The following PCDHB15 variants were observed in gnomAD, a reference collection of about 807,000 sequenced individuals.
PCDHB15 encodes protocadherin beta 15.
For missense variants in PCDHB15, 1,032 were observed against 991.7 expected, an observed-to-expected ratio of 1.04 and a Z score of -0.55; for synonymous variants, 492 against 447.9, an observed-to-expected ratio of 1.10 and a Z score of -1.24.
rs1423701386 is a variant in PCDHB15 at position 141,245,869 on chromosome 5, C to T, written c.291C>T (p.Gly97=). 1 of 1,614,116 alleles carries T rather than the reference C, an allele frequency of 6.2e-7. No individual in the cohort carries two copies. The highest frequency in any genetic ancestry group is 1.1e-5 in the South Asian group (1 of 91,076). The part of the protein sequence containing the change: ...NEKLDREKLC[G]PTEPCIMHFQ... The stretch of plus-strand genomic sequence containing the variant: ...AGCTGGACCGGGAGAAGCTGTGTGG[C>T]CCTACTGAGCCCTGTATAATGCATT... The change falls in exon 1 of 1, where the codon GGC becomes GGT. Residue 97 remains glycine, a synonymous_variant. Transcript: ENST00000231173.
At position 141,248,543 on chromosome 5, in the gene PCDHB15, T is replaced by A. The variant is rs1254224297; in HGVS notation, c.*601T>A. On this transcript the variant is annotated 3_prime_UTR_variant, in exon 1 of 1. Coordinates refer to ENST00000231173, the MANE Select transcript of PCDHB15 (RefSeq NM_018935.4). ...ATATATCTGCGTAATGTATTCTGTC[T>A]CATGTAAATTAACATAGAAAAGACT... 4 of 152,256 alleles carry A rather than the reference T, an allele frequency of 2.6e-5. No individual in the cohort carries two copies. Among genetic ancestry groups the A allele is most frequent in the Non-Finnish European group, 5.9e-5 (4 of 68,062 alleles). 9.4% of individuals were successfully genotyped at this position (152,256 alleles called of 1,614,324 possible). A position where few individuals can be genotyped will look rare whatever the true frequency, so the allele number is the denominator to read the frequency against.
rs558536705 is a variant in PCDHB15 at position 141,249,179 on chromosome 5, G to A, written c.*1237G>A. On this transcript the variant is annotated 3_prime_UTR_variant, in exon 1 of 1. Transcript: ENST00000231173. ...TGGGTCTATTTCAATCAGTGGAAAGGCCATAAAAGCAGAGTTGAGTCTTCC... is the reference window on the plus strand; with the variant it reads ...TGGGTCTATTTCAATCAGTGGAAAGACCATAAAAGCAGAGTTGAGTCTTCC... 6.6e-6 allele frequency: 1 copy of A among 152,252 alleles called. No individual in the cohort carries two copies. The highest frequency in any genetic ancestry group is 1.5e-5 in the Non-Finnish European group (1 of 68,022). 9.4% of individuals were successfully genotyped at this position (152,252 alleles called of 1,614,324 possible). A position where few individuals can be genotyped will look rare whatever the true frequency, so the allele number is the denominator to read the frequency against.
Position 141,246,288 on chromosome 5 carries a change from A to T in PCDHB15, c.710A>T (p.Asp237Val). 6.2e-7 allele frequency: 1 copy of T among 1,614,114 alleles called. No individual in the cohort carries two copies. The highest frequency in any genetic ancestry group is 8.5e-7 in the Non-Finnish European group (1 of 1,179,992). ...QILILVLDANDNAPEFVQALY... is the reference protein window; with the variant it reads ...QILILVLDANVNAPEFVQALY... ...CTCATCTTGGTCTTGGACGCCAATG[A>T]CAATGCCCCGGAGTTTGTGCAGGCG... Residue 237 changes from aspartate to valine, a missense_variant, in exon 1 of 1, where the codon GAC becomes GTC. Coordinates refer to ENST00000231173, the MANE Select transcript of PCDHB15 (RefSeq NM_018935.4).
rs1217877580 is a variant in PCDHB15, at chr5:141,247,435, G to A, written c.1857G>A (p.Ala619=). The change falls in exon 1 of 1, where the codon GCG becomes GCA. Residue 619 remains alanine, a synonymous_variant. Coordinates refer to ENST00000231173, the MANE Select transcript of PCDHB15 (RefSeq NM_018935.4). The stretch of plus-strand genomic sequence containing the variant: ...AGCCCGGGCTGTTCGGCGTGTGGGC[G>A]CACAATGGCGAGGTGCGCACCGCCA... The part of the protein sequence containing the change: ...ATEPGLFGVW[A]HNGEVRTARL... 1.2e-6 allele frequency: 2 copies of A among 1,606,532 alleles called. No homozygotes were observed. The highest frequency in any genetic ancestry group is 1.1e-5 in the South Asian group (1 of 90,952).
rs782669796 is a variant in PCDHB15 at position 141,245,998 on chromosome 5, G to GA, written c.424dup (p.Ile142AsnfsTer5). ...AGTTTCCTGAAAGAGAAATGACCCTGAAAATCCCAGAAACTAGCTCCCTTG... is the reference window on the plus strand; with the variant it reads ...AGTTTCCTGAAAGAGAAATGACCCTGAAAAATCCCAGAAACTAGCTCCCTTG... On this transcript the variant is annotated frameshift_variant, in exon 1 of 1. Coordinates refer to ENST00000231173, the MANE Select transcript of PCDHB15 (RefSeq NM_018935.4). LOFTEE classifies it low-confidence loss of function (END_TRUNC). The GA allele has an allele frequency of 1.9e-5, 30 of 1,614,130 alleles. No homozygotes were observed. The highest frequency in any genetic ancestry group is 3.3e-4 in the Middle Eastern group (2 of 6,062).
In PCDHB15 at chr5:141,245,657, G is replaced by A. The variant is rs782583371; in HGVS notation, c.79G>A (p.Gly27Ser). 1.4e-5 allele frequency: 23 copies of A among 1,614,096 alleles called. No individual in the cohort carries two copies. The East Asian group carries it at 5.1e-4, about 36-fold the overall frequency. The change falls in exon 1 of 1, where the codon GGC becomes AGC. Residue 27 changes from glycine (G) to serine (S), a missense_variant. Coordinates refer to ENST00000231173, the MANE Select transcript of PCDHB15 (RefSeq NM_018935.4). ...LLLLLEVTLA[G>S]WEPRRYSVME... ...TCTTTTACTGGAAGTGACTCTGGCA[G>A]GCTGGGAACCCCGTCGCTATTCTGT...
Position 141,247,245 on chromosome 5 carries a change from A to G in PCDHB15, c.1667A>G (p.Asp556Gly), listed in dbSNP as rs781800234. The G allele has an allele frequency of 1.9e-6, 3 of 1,611,628 alleles. No individual in the cohort carries two copies. In the South Asian group the frequency reaches 3.3e-5, roughly 18 times the overall value. Residue 556 changes from aspartate (D) to glycine (G), a missense_variant, in exon 1 of 1, where the codon GAC (aspartate) becomes GGC (glycine). Asp to Gly is a moderately conservative substitution (Grantham distance 94). Coordinates refer to ENST00000231173, the MANE Select transcript of PCDHB15 (RefSeq NM_018935.4). Reference protein sequence around the residue: ...LVRVLVLDANDNSPFVLYPLQ... With the variant: ...LVRVLVLDANGNSPFVLYPLQ... ...CGAGTGCTGGTGCTGGACGCCAACG[A>G]CAACTCGCCCTTCGTGCTGTACCCG...
At position 141,247,655 on chromosome 5, in the gene PCDHB15, G is replaced by A. The variant is rs148707481; in HGVS notation, c.2077G>A (p.Ala693Thr). Residue 693 changes from alanine (A) to threonine (T), a missense_variant, in exon 1 of 1, where the codon GCA becomes ACA. Coordinates refer to ENST00000231173, the MANE Select transcript of PCDHB15 (RefSeq NM_018935.4). ...CTCGCTTACCGTCTACCTGGTGGTG[G>A]CATTGGCCTCGGTGTCTTCGCTCTT... ...ADSLTVYLVVALASVSSLFLF... is the reference protein window; with the variant it reads ...ADSLTVYLVVTLASVSSLFLF... 2.9e-4 allele frequency: 460 copies of A among 1,610,228 alleles called. 2 individuals are homozygous for A. The African/African-American group carries it at 5.4e-3, about 19-fold the overall frequency.
In PCDHB15 at chr5:141,246,055, C is replaced by A. The variant is rs1193979952; in HGVS notation, c.477C>A (p.Asp159Glu). 5 of 1,614,008 alleles carry A rather than the reference C, an allele frequency of 3.1e-6. No homozygotes were observed. Among genetic ancestry groups the A allele is most frequent in the Non-Finnish European group, 4.2e-6 (5 of 1,180,044 alleles). ...TGTTTCCTCTGAAAAAAGCTCGGGA[C>A]TTGGACGTGGGCAGCAATAATGTTC... ...GTVFPLKKAR[D>E]LDVGSNNVQN... The change falls in exon 1 of 1, where the codon GAC becomes GAA. Residue 159 changes from aspartate to glutamate, a missense_variant. Asp to Glu is a conservative substitution (Grantham distance 45). Transcript: ENST00000231173.
In PCDHB15 at chr5:141,247,631, T is replaced by C. The variant is rs145604169; in HGVS notation, c.2053T>C (p.Ser685Pro). 2.3e-5 allele frequency: 37 copies of C among 1,610,030 alleles called. No homozygotes were observed. The highest frequency in any genetic ancestry group is 4.0e-5 in the African/African-American group (3 of 74,818). ...GGCCCCGGCCCAAGCCCAGGCCGACTCGCTTACCGTCTACCTGGTGGTGGC... is the reference window on the plus strand; with the variant it reads ...GGCCCCGGCCCAAGCCCAGGCCGACCCGCTTACCGTCTACCTGGTGGTGGC... ...EAAPAQAQADSLTVYLVVALA... is the reference protein window; with the variant it reads ...EAAPAQAQADPLTVYLVVALA... The change falls in exon 1 of 1, where the codon TCG becomes CCG. Residue 685 changes from serine to proline, a missense_variant. Physicochemically the swap from Ser to Pro is moderately conservative, Grantham distance 74. Coordinates refer to ENST00000231173, the MANE Select transcript of PCDHB15 (RefSeq NM_018935.4).
Position 141,247,798 on chromosome 5 carries a change from C to T in PCDHB15, c.2220C>T (p.Ser740=), listed in dbSNP as rs1755319172. ...TTCCAGGGCATCTGGTGGACGTGAG[C>T]GGCACCGGGACCCTTTCCCAGAGCT... The part of the protein sequence containing the change: ...GPFPGHLVDV[S]GTGTLSQSYQ... The change falls in exon 1 of 1, where the codon AGC becomes AGT. Residue 740 remains serine (S), a synonymous_variant. Transcript: ENST00000231173. 1 of 1,614,192 alleles carries T rather than the reference C, an allele frequency of 6.2e-7. No homozygotes were observed. The highest frequency in any genetic ancestry group is 8.5e-7 in the Non-Finnish European group (1 of 1,180,032).
Position 141,247,032 on chromosome 5 carries a change from A to G in PCDHB15, c.1454A>G (p.Gln485Arg), listed in dbSNP as rs1554292089. 6.2e-7 allele frequency: 1 copy of G among 1,613,648 alleles called. No individual in the cohort carries two copies. Among genetic ancestry groups the G allele is most frequent in the Admixed American group, 1.7e-5 (1 of 60,022 alleles). The change falls in exon 1 of 1, where the codon CAG (glutamine) becomes CGG (arginine). Residue 485 changes from glutamine (Q) to arginine (R), a missense_variant. Physicochemically the swap from Gln to Arg is conservative, Grantham distance 43 (BLOSUM62 1). Coordinates refer to ENST00000231173, the MANE Select transcript of PCDHB15 (RefSeq NM_018935.4). ...GACAGAGACTCGGGCACCAACGCCC[A>G]GGTCACCTACTCGCTGCTGCCGCCC... ...ATDRDSGTNAQVTYSLLPPRD... is the reference protein window; with the variant it reads ...ATDRDSGTNARVTYSLLPPRD...
In PCDHB15 at chr5:141,247,890, T is replaced by C; in HGVS notation, c.2312T>C (p.Phe771Ser). The C allele has an allele frequency of 1.2e-6, 2 of 1,614,112 alleles. No homozygotes were observed. Among genetic ancestry groups the C allele is most frequent in the Non-Finnish European group, 1.7e-6 (2 of 1,179,944 alleles). The stretch of plus-strand genomic sequence containing the variant: ...GATTTCAAGTTCTTGAAGCCTATAT[T>C]CCCAAATATTGTAAGCCAGGACTCT... ...SNDFKFLKPIFPNIVSQDSRR... is the reference protein window; with the variant it reads ...SNDFKFLKPISPNIVSQDSRR... The change falls in exon 1 of 1, where the codon TTC becomes TCC. Residue 771 changes from phenylalanine to serine, a missense_variant. Transcript: ENST00000231173.
At position 141,246,489 on chromosome 5, in the gene PCDHB15, T is replaced by C. The variant is rs1554291934; in HGVS notation, c.911T>C (p.Ile304Thr). The C allele has an allele frequency of 6.2e-7, 1 of 1,614,176 alleles. No individual in the cohort carries two copies. Among genetic ancestry groups the C allele is most frequent in the Non-Finnish European group, 8.5e-7 (1 of 1,180,030 alleles). Residue 304 changes from isoleucine (I) to threonine (T), a missense_variant, in exon 1 of 1, where the codon ATT becomes ACT. Transcript: ENST00000231173. ...AGCCTTTCAGGAGAAATTCGACTAA[T>C]TAAAAAACTAGATTTTGAGACAATG... ...LSSLSGEIRLIKKLDFETMSS... is the reference protein window; with the variant it reads ...LSSLSGEIRLTKKLDFETMSS...
Position 141,247,479 on chromosome 5 carries a change from A to T in PCDHB15, c.1901A>T (p.Asp634Val), listed in dbSNP as rs782180478. Residue 634 changes from aspartate to valine, a missense_variant, in exon 1 of 1, where the codon GAC (aspartate) becomes GTC (valine). By Grantham distance (152) the Asp-to-Val change is radical. Coordinates refer to ENST00000231173, the MANE Select transcript of PCDHB15 (RefSeq NM_018935.4). ...VRTARLLSER[D>V]VAKHRLVVLV... The stretch of plus-strand genomic sequence containing the variant: ...ACCGCCAGGCTGCTGAGCGAGCGCG[A>T]CGTGGCCAAGCACAGGCTAGTGGTG... 2 of 1,608,668 alleles carry T rather than the reference A, an allele frequency of 1.2e-6. No individual in the cohort carries two copies. Among genetic ancestry groups the T allele is most frequent in the South Asian group, 2.2e-5 (2 of 90,982 alleles).
chr5:141,248,963 T>C lies in PCDHB15; in HGVS notation c.*1021T>C, dbSNP rs1431988064. ...GCTCTCTTGTCAGGACTTTTCTGTC[T>C]CCAGGAGCTTCTCAACTTTGCAGAT... On this transcript the variant is annotated 3_prime_UTR_variant, in exon 1 of 1. Coordinates refer to ENST00000231173, the MANE Select transcript of PCDHB15 (RefSeq NM_018935.4). 1 of 152,220 alleles carries C rather than the reference T, an allele frequency of 6.6e-6. No individual in the cohort carries two copies. The highest frequency in any genetic ancestry group is 1.5e-5 in the Non-Finnish European group (1 of 68,040). 9.4% of individuals were successfully genotyped at this position (152,220 alleles called of 1,614,324 possible).
chr5:141,246,822 C>A lies in PCDHB15; in HGVS notation c.1244C>A (p.Ala415Asp). The A allele has an allele frequency of 1.2e-6, 2 of 1,614,172 alleles. No homozygotes were observed. Among genetic ancestry groups the A allele is most frequent in the Non-Finnish European group, 1.7e-6 (2 of 1,180,028 alleles). Residue 415 changes from alanine (A) to aspartate (D), a missense_variant, in exon 1 of 1, where the codon GCC becomes GAC. By Grantham distance (126) the Ala-to-Asp change is moderately radical. Transcript: ENST00000231173. ...GGGGCGCTGGACAGAGAGACCAGAG[C>A]CGAGTACAACATCACCATCACCATC... ...TEGALDRETR[A>D]EYNITITITD...
Position 141,247,557 on chromosome 5 carries a change from T to A in PCDHB15, c.1979T>A (p.Val660Glu). The change falls in exon 1 of 1, where the codon GTG becomes GAG. Residue 660 changes from valine (V) to glutamate (E), a missense_variant. Physicochemically the swap from Val to Glu is moderately radical, Grantham distance 121 (BLOSUM62 -2). Coordinates refer to ENST00000231173, the MANE Select transcript of PCDHB15 (RefSeq NM_018935.4). ...PPRSATATLQ[V>E]LLVDGFSQPY... is the part of the protein sequence containing the mutation. ...CGCTCGGCCACCGCCACGCTGCAAG[T>A]GCTCCTGGTGGACGGCTTCTCTCAG... is the stretch of plus-strand genomic sequence containing the variant. The A allele has an allele frequency of 6.2e-7, 1 of 1,609,300 alleles. No homozygotes were observed. Among genetic ancestry groups the A allele is most frequent in the Non-Finnish European group, 8.5e-7 (1 of 1,179,762 alleles).
rs1554292063 is a variant in PCDHB15 at position 141,246,947 on chromosome 5, A to G, written c.1369A>G (p.Thr457Ala). ...NAPAFTQTSY[T>A]LFVRENNSPA... ...CCCCGCCTTCACCCAAACCTCCTAC[A>G]CCCTGTTCGTCCGCGAGAACAACAG... Residue 457 changes from threonine (T) to alanine (A), a missense_variant, in exon 1 of 1, where the codon ACC becomes GCC. Coordinates refer to ENST00000231173, the MANE Select transcript of PCDHB15 (RefSeq NM_018935.4). The G allele has an allele frequency of 1.2e-6, 2 of 1,612,992 alleles. No individual in the cohort carries two copies. Among genetic ancestry groups the G allele is most frequent in the Non-Finnish European group, 1.7e-6 (2 of 1,179,936 alleles).
Sources: allele counts gnomAD v4.1 joint callset, GRCh38; gene constraint gnomAD v4.1.1; transcripts MANE v1.5; gene names NCBI Gene and HGNC (gene_info 2026-07-23, HGNC 2026-07-21).